The following CCDC33 variants were observed in gnomAD, a reference collection of about 807,000 sequenced individuals.
CCDC33 encodes the protein coiled-coil domain-containing protein 33.
In CCDC33, 94 loss-of-function variants were observed where a neutral mutation model predicts 91.9. That is an observed-to-expected ratio of 1.02 (90% CI 0.87 to 1.21). The LOEUF is 1.21. Among genes scored for constraint, CCDC33 ranks in the 50% most tolerant of loss-of-function variants. CCDC33 has a pLI of 0.00. For missense variants in CCDC33, 940 were observed against 935.5 expected (o/e 1.00, Z -0.06); for synonymous variants, 396 against 374.5 (o/e 1.06, Z -0.66).
chr15:74,274,650 A>G (rs2142452458), intron 7 of CCDC33, among the ~76,000 whole-genome samples: 1 of 152,302 alleles, frequency 6.6e-6, no homozygotes, highest in African/African-American at 2.4e-5. Context: ...ATGGCCCTGC[A>G]TTTGCCCAGA....
chr15:74,335,395 C>T, intron 18 of CCDC33: 1 of 586,992 alleles, frequency 1.7e-6, no homozygotes, highest in Non-Finnish European at 3.0e-6. Context: ...TGCCCTGACA[C>T]TGTGCTTTAG....
intron 9 of CCDC33, 30 bp from the exon 10 acceptor site, chr15:74,281,748 A>G: frequency 6.2e-7 from 1 of 1,601,758 alleles, no homozygotes; most frequent in Non-Finnish European, 8.6e-7. Context: ...CCTGGCCAGC[A>G]TGGTCTGAGT....
chr15:74,227,821 C>G (rs918520998), intron 2 of CCDC33, among the ~76,000 whole-genome samples: 2 of 152,124 alleles, frequency 1.3e-5, no homozygotes, highest in African/African-American at 4.8e-5. Flanking sequence ...ATTTTCTCAT[C>G]TGTAAAAGGG....
intron 2 of CCDC33, among the ~76,000 whole-genome samples, chr15:74,229,025 GGCT>G (rs2074889274): frequency 6.6e-6 from 1 of 152,142 alleles, no homozygotes; most frequent in Admixed American, 6.5e-5. Flanking sequence ...GGCGCATCCC[GGCT>G]GCAGAGCCAA....
intron 10 of CCDC33, among the ~76,000 whole-genome samples, chr15:74,295,004 A>G (rs1347379624): frequency 6.6e-6 from 1 of 152,222 alleles, no homozygotes; most frequent in Admixed American, 6.5e-5. Flanking sequence ...GCTCATCAGA[A>G]TATACAGAGA....
In CCDC33 at chr15:74,268,473, G is replaced by A. The variant is rs757526156; in HGVS notation, c.546+15G>A. The A allele has an allele frequency of 6.9e-6, 9 of 1,300,856 alleles. No homozygotes were observed. The East Asian group carries it at 1.2e-4, about 18-fold the overall frequency. The allele number at this position is 1,300,856 out of a possible 1,614,324, so 80.6% of individuals were successfully genotyped here. A position where few individuals can be genotyped will look rare whatever the true frequency, so the allele number is the denominator to read the frequency against. ...TGGCTCTGGAGGTACCAGGGCTGGG[G>A]CCCTCTGGGGTGGTGGTGGGGGTGG... On this transcript the variant is annotated intron_variant, in intron 5 of 18. Coordinates refer to ENST00000398814, the MANE Select transcript of CCDC33 (RefSeq NM_025055.5).
intron 15 of CCDC33, among the ~76,000 whole-genome samples, chr15:74,331,898 C>T (rs566015740): frequency 2.0e-5 from 3 of 152,156 alleles, no homozygotes; most frequent in African/African-American, 4.8e-5. Flanking sequence ...GGCATGGTGG[C>T]GGGCACCTAT....
intron 2 of CCDC33, among the ~76,000 whole-genome samples, chr15:74,249,258 G>A (rs762709309): frequency 3.2e-4 from 48 of 152,174 alleles, no homozygotes; most frequent in Non-Finnish European, 6.2e-4. Flanking sequence ...AGGCCGAGGC[G>A]GATGGATCAT....
intron 1 of CCDC33, among the ~76,000 whole-genome samples, chr15:74,204,922 C>G (rs1048879951): frequency 1.3e-5 from 2 of 149,330 alleles, no homozygotes; most frequent in African/African-American, 4.9e-5. Context: ...ACAAAAGAGG[C>G]AAACTCCATC....
At chr15:74,307,908 T>TCCCC (rs2059920867) in intron 11 of CCDC33, among the ~76,000 whole-genome samples, 18 of 143,206 alleles carry the variant, frequency 1.3e-4, no homozygotes, top group Non-Finnish European at 2.6e-4. Flanking sequence ...ACCCCACCCA[T>TCCCC]CCCCTTTTCT....
Position 74,295,820 on chromosome 15 carries a change from G to A in CCDC33, c.1162G>A (p.Asp388Asn). Reference sequence around the variant, plus strand: ...TCCTACCTTGGACCCCAAGATCCTGGATAAGAAGCTGAGAACCATCCAAGA... The same window carrying A: ...TCCTACCTTGGACCCCAAGATCCTGAATAAGAAGCTGAGAACCATCCAAGA... ...ALPTLDPKIL[D>N]KKLRTIQESW... The change falls in exon 11 of 19, where the codon GAT (aspartate) becomes AAT (asparagine). Residue 388 changes from aspartate (D) to asparagine (N), a missense_variant. Transcript: ENST00000398814. The A allele has an allele frequency of 1.2e-6, 2 of 1,614,154 alleles. No homozygotes were observed. Among genetic ancestry groups the A allele is most frequent in the Non-Finnish European group, 1.7e-6 (2 of 1,180,024 alleles).
chr15:74,221,215 GGTT>G, intron 2 of CCDC33: 5 of 797,250 alleles, frequency 6.3e-6, no homozygotes, highest in Non-Finnish European at 7.3e-6. Context: ...GTGTGGCACT[GGTT>G]TTTTTTTTTT....
chr15:74,228,733 G>A (rs996722449), intron 2 of CCDC33, among the ~76,000 whole-genome samples: 2 of 152,336 alleles, frequency 1.3e-5, no homozygotes, highest in East Asian at 1.9e-4. Context: ...TTTTGTCGGC[G>A]GGTGTTCCTG....
At position 74,236,757 on chromosome 15, in the gene CCDC33, G is replaced by A. The variant is rs1435517166; in HGVS notation, c.21+17G>A. ...AACAAAAAGGTAAGGCCAGGGGCAT[G>A]GGCCATGCACCTGCATGAATCCGTC... On this transcript the variant is annotated intron_variant, in intron 1 of 18. Transcript: ENST00000398814. 3 of 1,613,378 alleles carry A rather than the reference G, an allele frequency of 1.9e-6. No homozygotes were observed. Among genetic ancestry groups the A allele is most frequent in the Non-Finnish European group, 2.5e-6 (3 of 1,179,522 alleles).
upstream of CCDC33, among the ~76,000 whole-genome samples, chr15:74,214,987 T>C (rs1055989688): frequency 6.6e-6 from 1 of 152,172 alleles, no homozygotes; most frequent in African/African-American, 2.4e-5. Flanking sequence ...CAAACATGAT[T>C]CCTGAAACAA....
chr15:74,245,870 C>A (rs1327154556), intron 2 of CCDC33, among the ~76,000 whole-genome samples: 1 of 152,144 alleles, frequency 6.6e-6, no homozygotes, highest in African/African-American at 2.4e-5. Context: ...TCCAGACAGG[C>A]GAAGCTGCCA....
At chr15:74,321,314 G>A (rs191911564) in intron 11 of CCDC33, among the ~76,000 whole-genome samples, 81 of 151,890 alleles carry the variant, frequency 5.3e-4, no homozygotes, top group African/African-American at 1.8e-3. Flanking sequence ...TCAGAGGCAC[G>A]ATCTCAGCTC....
At chr15:74,224,615 G>C (rs1402018302) in intron 2 of CCDC33, among the ~76,000 whole-genome samples, 1 of 152,200 alleles carries the variant, frequency 6.6e-6, no homozygotes, top group Non-Finnish European at 1.5e-5. Context: ...ATTGGGCTCT[G>C]GCATTGATTT....
intron 2 of CCDC33, among the ~76,000 whole-genome samples, chr15:74,222,342 T>G (rs2074622693): frequency 6.6e-6 from 1 of 152,094 alleles, no homozygotes; most frequent in South Asian, 2.1e-4. Flanking sequence ...GGGGGCTCCC[T>G]CGCTAGAAGG....
Sources: allele counts gnomAD v4.1 joint callset (sites outside exome capture counted in the v4.1 genomes callset), GRCh38; gene constraint gnomAD v4.1.1; transcripts MANE v1.5; gene names NCBI Gene and HGNC (gene_info 2026-07-23, HGNC 2026-07-21).